Variants in VPS13B observed in about 807,000 individuals in gnomAD.
VPS13B encodes the protein intermembrane lipid transfer protein VPS13B.
VPS13B carries 285 observed loss-of-function variants against 426.4 expected under a neutral mutation model. The ratio of observed to expected loss-of-function variants is 0.67; its 90% CI spans 0.61 to 0.74. The LOEUF (loss-of-function observed/expected upper bound fraction) is 0.74. VPS13B is among the 30% of genes least tolerant of loss of function. The probability of loss-of-function intolerance (pLI) is 0.00; values close to 1 mark genes in which losing one functional copy is unlikely to be tolerated. For missense variants in VPS13B, 4,537 were observed against 4,782.6 expected (o/e 0.95, Z 1.51); for synonymous variants, 1,676 against 1,676.4 (o/e 1.00, Z 0.01).
intron 39 of VPS13B, among the ~76,000 whole-genome samples, chr8:99,750,358 A>G (rs1257692118): frequency 2.0e-5 from 3 of 152,092 alleles, no homozygotes; most frequent in Non-Finnish European, 4.4e-5. Flanking sequence ...GGACACTTAT[A>G]TTACCCTTTC....
chr8:99,591,325 T>C (rs1826661807), intron 33 of VPS13B, among the ~76,000 whole-genome samples: 1 of 152,150 alleles, frequency 6.6e-6, no homozygotes, highest in African/African-American at 2.4e-5. Flanking sequence ...TTTGTGTCTT[T>C]TAATTGGGGC....
In VPS13B at chr8:99,865,058, C is replaced by T. The variant is rs148480587; in HGVS notation, c.11215+3112C>T. 3.2e-4 allele frequency among the ~76,000 whole-genome samples: 49 copies of T among 152,358 alleles called. 1 individual carries two copies. Among genetic ancestry groups the T allele is most frequent in the Middle Eastern group, 3.4e-3 (1 of 294 alleles). Reference sequence around the variant, plus strand: ...GTCTGCAGCTCCATGCCCAGCCGCACTGCCCCAGGTCAGCAGGGAAAAGTG... The same window carrying T: ...GTCTGCAGCTCCATGCCCAGCCGCATTGCCCCAGGTCAGCAGGGAAAAGTG... On this transcript the variant is annotated intron_variant, in intron 58 of 61. Coordinates refer to ENST00000357162, the MANE Select transcript of VPS13B (RefSeq NM_152564.5).
intron 32 of VPS13B, among the ~76,000 whole-genome samples, chr8:99,577,250 T>C (rs997179833): frequency 2.0e-5 from 3 of 152,168 alleles, no homozygotes; most frequent in African/African-American, 7.2e-5. Flanking sequence ...AGACTTCTTA[T>C]TGTTAGTTGT....
intron 35 of VPS13B, among the ~76,000 whole-genome samples, chr8:99,688,904 G>T (rs898466704): frequency 6.6e-6 from 1 of 152,182 alleles, no homozygotes; most frequent in East Asian, 1.9e-4. Flanking sequence ...TATGGGAAGG[G>T]ATAGAACAGA....
Position 99,744,868 on chromosome 8 carries a change from T to C in VPS13B, c.7051-21906T>C, listed in dbSNP as rs184295042. ...ATAGCATTAGGAGATACACCCAATG[T>C]TAAATGACGAGTTAATGGGTGCAGC... On this transcript the variant is annotated intron_variant, in intron 39 of 61. Transcript: ENST00000357162. 3.9e-3 allele frequency among the ~76,000 whole-genome samples: 591 copies of C among 152,076 alleles called. 6 individuals carry two copies. The highest frequency in any genetic ancestry group is 0.013 in the African/African-American group (519 of 41,486).
intron 19 of VPS13B, among the ~76,000 whole-genome samples, chr8:99,336,186 A>G (rs1360095230): frequency 5.3e-5 from 8 of 152,176 alleles, no homozygotes; most frequent in African/African-American, 7.2e-5. Flanking sequence ...ATGGAACAGA[A>G]CAGAGCCCTC....
rs527437542 is a variant in VPS13B, at chr8:99,784,928, G to A, written c.7941+452G>A. Among the ~76,000 whole-genome samples, 229 of 151,988 alleles carry A rather than the reference G, an allele frequency of 1.5e-3. 1 individual carries two copies. The highest frequency in any genetic ancestry group is 1.3e-3 in the Non-Finnish European group (89 of 67,972). Reference sequence around the variant, plus strand: ...TTGTTTCTTCAGATTTTTTTTCTGTGTGTGTCCTTGGTAGCAGGCACATGC... The same window carrying A: ...TTGTTTCTTCAGATTTTTTTTCTGTATGTGTCCTTGGTAGCAGGCACATGC... On this transcript the variant is annotated intron_variant, in intron 43 of 61. Transcript: ENST00000357162.
At chr8:99,818,974 G>GGGT in intron 47 of VPS13B, 86 bp downstream of exon 47, 1 of 753,910 alleles carries the variant, frequency 1.3e-6, no homozygotes. Context: ...GGCGGCGGGG[G>GGGT]AGGGGTGGGT....
intron 24 of VPS13B, among the ~76,000 whole-genome samples, chr8:99,474,379 G>C (rs1247585375): frequency 6.6e-6 from 1 of 151,568 alleles, no homozygotes; most frequent in East Asian, 1.9e-4. Flanking sequence ...GTAGAGACAG[G>C]GTTTCACCTG....
In VPS13B at chr8:99,661,265, T is replaced by G. The variant is rs1206054449; in HGVS notation, c.5909-89T>G. 7.2e-6 allele frequency: 11 copies of G among 1,533,360 alleles called. No homozygotes were observed. The African/African-American group carries it at 1.4e-4, about 19-fold the overall frequency. The allele number at this position is 1,533,360 out of a possible 1,614,324, so 95.0% of individuals were successfully genotyped here. A position where few individuals can be genotyped will look rare whatever the true frequency, so the allele number is the denominator to read the frequency against. On this transcript the variant is annotated intron_variant, in intron 34 of 61. Coordinates refer to ENST00000357162, the MANE Select transcript of VPS13B (RefSeq NM_152564.5). ...CTTGCAAACAGTTATTTAACCAGTT[T>G]TTCTCTCATTTATTAACTCAAACTC...
intron 19 of VPS13B, among the ~76,000 whole-genome samples, chr8:99,335,272 C>G (rs1483090959): frequency 6.6e-6 from 1 of 151,998 alleles, no homozygotes; most frequent in Non-Finnish European, 1.5e-5. Context: ...GTCTTGCTAG[C>G]AGTCTATCGA....
At chr8:99,083,492 T>C (rs1270835516) in intron 3 of VPS13B, among the ~76,000 whole-genome samples, 2 of 151,026 alleles carry the variant, frequency 1.3e-5, no homozygotes, top group Non-Finnish European at 2.9e-5. Flanking sequence ...TCCAACACTA[T>C]GTTGAATAGG....
intron 33 of VPS13B, among the ~76,000 whole-genome samples, chr8:99,634,396 T>C (rs1179468975): frequency 6.6e-6 from 1 of 152,010 alleles, no homozygotes; most frequent in East Asian, 1.9e-4. Context: ...CTGCTTTTAT[T>C]GCAGTTAGCA....
intron 33 of VPS13B, among the ~76,000 whole-genome samples, chr8:99,630,155 A>G (rs1027866737): frequency 6.6e-6 from 1 of 152,146 alleles, no homozygotes; most frequent in Non-Finnish European, 1.5e-5. Flanking sequence ...CTCAAGAGTC[A>G]CTGCTTTGAA....
At chr8:99,873,943 T>A (rs892797973) in intron 61 of VPS13B, among the ~76,000 whole-genome samples, 1 of 152,252 alleles carries the variant, frequency 6.6e-6, no homozygotes, top group Non-Finnish European at 1.5e-5. Flanking sequence ...TTCTGGTTTT[T>A]AGCTTTTGCC....
At chr8:99,625,579 G>T (rs2133901082) in intron 33 of VPS13B, among the ~76,000 whole-genome samples, 1 of 151,888 alleles carries the variant, frequency 6.6e-6, no homozygotes, top group African/African-American at 2.4e-5. Context: ...AATAGACCAG[G>T]CACAATGGCT....
At chr8:99,529,987 C>T (rs1057029832) in intron 30 of VPS13B, among the ~76,000 whole-genome samples, 1 of 152,244 alleles carries the variant, frequency 6.6e-6, no homozygotes, top group Middle Eastern at 3.4e-3. Context: ...GCTTATTATG[C>T]GCCTTTCTGT....
At chr8:99,816,446 C>G (rs1209260163) in intron 44 of VPS13B, among the ~76,000 whole-genome samples, 1 of 152,084 alleles carries the variant, frequency 6.6e-6, no homozygotes, top group Non-Finnish European at 1.5e-5. Context: ...TACTCTCTTA[C>G]CTGGGTGTAA....
chr8:99,301,418 C>T (rs1206006235), intron 19 of VPS13B, among the ~76,000 whole-genome samples: 5 of 151,882 alleles, frequency 3.3e-5, no homozygotes, highest in African/African-American at 4.8e-5. Flanking sequence ...CTTAGCCTCC[C>T]GAGTAGCTGG....
Sources: allele counts gnomAD v4.1 joint callset (sites outside exome capture counted in the v4.1 genomes callset), GRCh38; gene constraint gnomAD v4.1.1; transcripts MANE v1.5; gene names NCBI Gene and HGNC (gene_info 2026-07-23, HGNC 2026-07-21).